Variants in SPATA24 observed in about 807,000 individuals in gnomAD.
The protein encoded by SPATA24 is spermatogenesis associated 24.
Under a neutral mutation model 28.9 loss-of-function variants are expected in SPATA24, and 21 were observed. That is an observed-to-expected ratio of 0.73 (90% CI 0.52 to 1.05). The LOEUF is 1.05. Ranked by LOEUF, SPATA24 falls within the 50% of genes least tolerant of loss-of-function variation. The pLI is 0.00. For synonymous variants in SPATA24, 76 were observed against 89.9 expected (o/e 0.85, Z 0.88); for missense variants, 215 against 242.9 (o/e 0.88, Z 0.76).
chr5:139,401,731 G>A (rs1758825984), intron 4 of SPATA24, 24 bp downstream of exon 4: 2 of 1,550,714 alleles, frequency 1.3e-6, no homozygotes, highest in Non-Finnish European at 1.7e-6. Flanking sequence ...TAACCGTGGT[G>A]GAGAGCACGG....
chr5:139,397,219 G>A (rs549572892), intron 4 of SPATA24, 76 bp from the exon 5 acceptor site: 23 of 1,176,550 alleles, frequency 2.0e-5, no homozygotes, highest in Admixed American at 1.3e-4. Context: ...ATTCCCTCAC[G>A]GGGCTTTTCA....
At chr5:139,401,425 G>T in intron 4 of SPATA24, 1 of 604,820 alleles carries the variant, frequency 1.7e-6, no homozygotes, top group Non-Finnish European at 2.9e-6. Flanking sequence ...GACAGTGCTT[G>T]CCCTGTGTTC....
At chr5:139,397,373 C>T (rs1052848696) in intron 4 of SPATA24, among the ~76,000 whole-genome samples, 1 of 152,118 alleles carries the variant, frequency 6.6e-6, no homozygotes, top group African/African-American at 2.4e-5. Flanking sequence ...CCAGAGGACC[C>T]ACATGAGGGC....
chr5:139,403,839 G>A, intron 1 of SPATA24, 105 bp downstream of exon 1: 2 of 970,416 alleles, frequency 2.1e-6, no homozygotes, highest in Non-Finnish European at 3.1e-6. Context: ...GACGCCATGG[G>A]CCATGCGTTC....
downstream of SPATA24, chr5:139,395,680 A>G (rs1338197443): frequency 6.6e-6 from 1 of 152,276 alleles, no homozygotes; most frequent in Non-Finnish European, 1.5e-5. Flanking sequence ...TAGAGTGAGG[A>G]GCACCGCTAG....
chr5:139,394,106 C>A (rs1451214771), downstream of SPATA24: 15 of 1,548,246 alleles, frequency 9.7e-6, no homozygotes, highest in African/African-American at 2.7e-5. Flanking sequence ...GCAGGCTTGT[C>A]GCGCCGAATC....
At chr5:139,392,717 A>G, downstream of SPATA24, 1 of 1,378,148 alleles carries the variant, frequency 7.3e-7, no homozygotes, top group Non-Finnish European at 9.4e-7. The surrounding 1 kb of genome is among the most constrained non-coding windows in gnomAD (Gnocchi z 5.8). Context: ...CCTACGGGGG[A>G]GCGCTGGGAT....
At chr5:139,396,725 G>A, downstream of SPATA24, 3 of 1,550,434 alleles carry the variant, frequency 1.9e-6, no homozygotes, top group Non-Finnish European at 2.6e-6. Flanking sequence ...GCAGGGGCTA[G>A]AGGCTGGGGA....
At chr5:139,396,487 T>C, downstream of SPATA24, 13 of 1,185,948 alleles carry the variant, frequency 1.1e-5, no homozygotes, top group Non-Finnish European at 1.3e-5. Context: ...GTCTTTGAAG[T>C]TTCTGGTCAG....
At chr5:139,401,713 C>T in intron 4 of SPATA24, 42 bp downstream of exon 4, 4 of 1,542,846 alleles carry the variant, frequency 2.6e-6, no homozygotes, top group Middle Eastern at 1.7e-4. Context: ...GGAAAGAGCC[C>T]GTTTATATAA....
Position 139,401,740 on chromosome 5 carries a change from G to C in SPATA24, c.385+15C>G. 1 of 1,551,454 alleles carries C rather than the reference G, an allele frequency of 6.4e-7. No individual in the cohort carries two copies. Among genetic ancestry groups the C allele is most frequent in the African/African-American group, 1.4e-5 (1 of 73,124 alleles). The stretch of plus-strand genomic sequence containing the variant: ...TTTATATAACCGTGGTGGAGAGCAC[G>C]GGCCTCCCGCCTACCATTGCACTTG... On this transcript the variant is annotated intron_variant, in intron 4 of 5. Coordinates refer to ENST00000450845, the MANE Select transcript of SPATA24 (RefSeq NM_194296.2).
Position 139,397,690 on chromosome 5 carries a change from G to A in SPATA24, c.386-547C>T, listed in dbSNP as rs1330112432. Among the ~76,000 whole-genome samples, 6 of 152,224 alleles carry A rather than the reference G, an allele frequency of 3.9e-5. No individual in the cohort carries two copies. In the East Asian group the frequency reaches 1.2e-3, roughly 29 times the overall value. ...CTGCCTCAGCCTCCCGAGTAGCTGG[G>A]ATTACAGGCGCCTGCCACCACGCCC... On this transcript the variant is annotated intron_variant, in intron 4 of 5. Transcript: ENST00000450845.
chr5:139,393,547 C>A (rs764777408), downstream of SPATA24: 87 of 1,551,122 alleles, frequency 5.6e-5, no homozygotes, highest in Non-Finnish European at 1.0e-5. Context: ...GCCCCAAGTT[C>A]CAATAGGACG....
At chr5:139,394,428 A>G, downstream of SPATA24, 1 of 1,390,132 alleles carries the variant, frequency 7.2e-7, no homozygotes, top group East Asian at 2.9e-5. Flanking sequence ...CCCTTGGGGG[A>G]CTCTGGGGCC....
rs1376299487 is a variant in SPATA24, at chr5:139,402,056, A to G, written c.184-11T>C. 1.3e-6 allele frequency: 2 copies of G among 1,550,212 alleles called. No homozygotes were observed. The highest frequency in any genetic ancestry group is 1.7e-6 in the Non-Finnish European group (2 of 1,146,718). ...GGCAGCTTTCTCTTCCTGCAGGGGC[A>G]GCAGCAGTCACCTCATTACCCTAGG... On this transcript the variant is annotated splice_polypyrimidine_tract_variant and intron_variant, in intron 2 of 5. Coordinates refer to ENST00000450845, the MANE Select transcript of SPATA24 (RefSeq NM_194296.2).
chr5:139,393,765 A>T (rs951751187), downstream of SPATA24: 8 of 1,551,190 alleles, frequency 5.2e-6, no homozygotes, highest in Non-Finnish European at 7.0e-6. Flanking sequence ...CAGGATTTTG[A>T]TTTTCCCACT....
rs1373838783 is a variant in SPATA24 at position 139,397,026 on chromosome 5, G to A, written c.488+15C>T. 2.6e-6 allele frequency: 4 copies of A among 1,551,624 alleles called. No homozygotes were observed. ...AGTGTCATCAACAACCCCCAGCCGG[G>A]CCCAGACCCCTCACCTGAAGATCTG... On this transcript the variant is annotated intron_variant, in intron 5 of 5. Transcript: ENST00000450845.
rs1417329813 is a variant in SPATA24 at position 139,403,989 on chromosome 5, G to C, written c.72C>G (p.Asp24Glu). ...SVCLALDQLR[D>E]VIESQEELIH... ...TTAGTTCCTCCTGAGACTCAATCAC[G>C]TCCCGCAGTTGATCTAAAGCGAGAC... is the stretch of plus-strand genomic sequence containing the variant. The change falls in exon 1 of 6, where the codon GAC becomes GAG. Residue 24 changes from aspartate (D) to glutamate (E), a missense_variant. By Grantham distance (45) the Asp-to-Glu change is conservative. Coordinates refer to ENST00000450845, the MANE Select transcript of SPATA24 (RefSeq NM_194296.2). 7 of 1,551,838 alleles carry C rather than the reference G, an allele frequency of 4.5e-6. No individual in the cohort carries two copies. The highest frequency in any genetic ancestry group is 6.1e-6 in the Non-Finnish European group (7 of 1,147,038).
downstream of SPATA24, chr5:139,394,161 G>A (rs1285846279): frequency 6.5e-7 from 1 of 1,546,004 alleles, no homozygotes; most frequent in South Asian, 1.2e-5. Flanking sequence ...CCTTGGCGGG[G>A]GCCGAATTAT....
Sources: allele counts gnomAD v4.1 joint callset (sites outside exome capture counted in the v4.1 genomes callset), GRCh38; gene constraint gnomAD v4.1.1; non-coding constraint Gnocchi (gnomAD v3.1); transcripts MANE v1.5; gene names NCBI Gene and HGNC (gene_info 2026-07-23, HGNC 2026-07-21).